AHCYL2: variants seen among roughly 807,000 people sequenced by gnomAD.
AHCYL2 encodes the protein S-adenosylhomocysteine hydrolase-like protein 2.
AHCYL2 carries 28 observed loss-of-function variants against 81.4 expected under a neutral mutation model. The ratio of observed to expected loss-of-function variants is 0.34; its 90% CI spans 0.25 to 0.47. AHCYL2 has a LOEUF of 0.47. AHCYL2 is among the 20% of genes least tolerant of loss of function. The probability of loss-of-function intolerance (pLI) is 1.00; values close to 1 mark genes in which losing one functional copy is unlikely to be tolerated. For synonymous variants in AHCYL2, 272 were observed against 290.2 expected, an observed-to-expected ratio of 0.94 and a Z score of 0.64; for missense variants, 551 against 785.1, an observed-to-expected ratio of 0.70 and a Z score of 3.56.
intron 1 of AHCYL2, among the ~76,000 whole-genome samples, chr7:129,238,688 A>G (rs902562608): frequency 6.6e-6 from 1 of 152,182 alleles, no homozygotes; most frequent in African/African-American, 2.4e-5. Flanking sequence ...GCGGTGGCTC[A>G]CGCTTGCAAT....
chr7:129,328,309 C>G (rs1321972355), intron 1 of AHCYL2, among the ~76,000 whole-genome samples: 1 of 152,102 alleles, frequency 6.6e-6, no homozygotes, highest in African/African-American at 2.4e-5. Context: ...TCCCAAGTAG[C>G]TGGGATTACA....
rs1005876463 is a variant in AHCYL2 at position 129,273,248 on chromosome 7, C to G, written c.363+47809C>G. ...ATGGCTTCAGAGGAAAGATAAAATTCAAGATGCTACCAATAAAATATGGCC... is the reference window on the plus strand; with the variant it reads ...ATGGCTTCAGAGGAAAGATAAAATTGAAGATGCTACCAATAAAATATGGCC... On this transcript the variant is annotated intron_variant, in intron 1 of 16. Coordinates refer to ENST00000325006, the MANE Select transcript of AHCYL2 (RefSeq NM_015328.4). Among the ~76,000 whole-genome samples the G allele has an allele frequency of 2.7e-5, 4 of 147,572 alleles. No homozygotes were observed. The Admixed American group carries it at 2.7e-4, about 10-fold the overall frequency.
chr7:129,267,387 C>T (rs1190310142), intron 1 of AHCYL2, among the ~76,000 whole-genome samples: 1 of 152,088 alleles, frequency 6.6e-6, no homozygotes, highest in East Asian at 1.9e-4. Flanking sequence ...TCACTGCAAA[C>T]TCCACCTCCC....
intron 1 of AHCYL2, among the ~76,000 whole-genome samples, chr7:129,275,159 G>C (rs1796157792): frequency 6.6e-6 from 1 of 152,096 alleles, no homozygotes; most frequent in Admixed American, 6.5e-5. Context: ...GAGGCGGGTG[G>C]GTCACCTGAG....
At chr7:129,313,356 G>T (rs910491512) in intron 1 of AHCYL2, among the ~76,000 whole-genome samples, 2 of 152,200 alleles carry the variant, frequency 1.3e-5, no homozygotes, top group Non-Finnish European at 2.9e-5. Context: ...AATGTTAGAA[G>T]CATGGGAGAT....
chr7:129,281,870 G>C (rs1053726470), intron 1 of AHCYL2, among the ~76,000 whole-genome samples: 1 of 152,146 alleles, frequency 6.6e-6, no homozygotes, highest in African/African-American at 2.4e-5. Flanking sequence ...GGAATGTTTA[G>C]TGTTATACAT....
intron 1 of AHCYL2, among the ~76,000 whole-genome samples, chr7:129,265,399 T>C (rs1795782235): frequency 6.6e-6 from 1 of 152,172 alleles, no homozygotes; most frequent in Admixed American, 6.5e-5. Context: ...AGGAATTTGA[T>C]AGGTGGCAGT....
rs183280171 is a variant in AHCYL2 at position 129,398,336 on chromosome 7, T to A, written c.823+1012T>A. On this transcript the variant is annotated intron_variant, in intron 5 of 16. Coordinates refer to ENST00000325006, the MANE Select transcript of AHCYL2 (RefSeq NM_015328.4). ...CATTTCTTTTTTCTGTTTTTTTTTT[T>A]AAATTTAATTTAATTTTTATTTTTT... 7.5e-3 allele frequency among the ~76,000 whole-genome samples: 1,130 copies of A among 149,848 alleles called. 12 individuals carry two copies. Among genetic ancestry groups the A allele is most frequent in the African/African-American group, 0.024 (973 of 40,834 alleles).
intron 1 of AHCYL2, 58 bp downstream of exon 1, chr7:129,225,497 C>G: frequency 7.0e-7 from 1 of 1,430,726 alleles, no homozygotes. Flanking sequence ...AACTGCAGAT[C>G]CTCTCGGCAC....
intron 3 of AHCYL2, 102 bp from the exon 4 acceptor site, chr7:129,389,532 T>G: frequency 1.0e-6 from 1 of 959,436 alleles, no homozygotes; most frequent in African/African-American, 1.6e-5. Context: ...TCTAACCTGA[T>G]CAGGGGAAGG....
intron 1 of AHCYL2, among the ~76,000 whole-genome samples, chr7:129,287,278 C>T (rs936037507): frequency 2.6e-5 from 4 of 152,162 alleles, no homozygotes; most frequent in Admixed American, 2.6e-4. Flanking sequence ...AGGGATACCT[C>T]AAGTAGTTTC....
At chr7:129,363,047 T>C (rs1031007993) in intron 1 of AHCYL2, among the ~76,000 whole-genome samples, 1 of 152,148 alleles carries the variant, frequency 6.6e-6, no homozygotes, top group African/African-American at 2.4e-5. Flanking sequence ...TCAATACTTG[T>C]GGGAATACAA....
intron 1 of AHCYL2, among the ~76,000 whole-genome samples, chr7:129,231,128 A>T (rs908337922): frequency 6.6e-6 from 1 of 152,052 alleles, no homozygotes; most frequent in African/African-American, 2.4e-5. Flanking sequence ...GCTACTCAGG[A>T]GGCTGAGGCA....
intron 1 of AHCYL2, among the ~76,000 whole-genome samples, chr7:129,295,871 G>A (rs888120919): frequency 3.3e-5 from 5 of 152,106 alleles, no homozygotes; most frequent in African/African-American, 9.7e-5. Context: ...GGAGTTGTTC[G>A]TATATATGCA....
chr7:129,226,997 A>G (rs1467072355), intron 1 of AHCYL2, among the ~76,000 whole-genome samples: 1 of 152,214 alleles, frequency 6.6e-6, no homozygotes, highest in Non-Finnish European at 1.5e-5. Flanking sequence ...CTTTAGGCTA[A>G]AAGTGTTTAA....
At chr7:129,299,550 C>T (rs573016756) in intron 1 of AHCYL2, among the ~76,000 whole-genome samples, 12 of 151,834 alleles carry the variant, frequency 7.9e-5, no homozygotes, top group African/African-American at 2.2e-4. Flanking sequence ...CCCGCCACCA[C>T]GCCGTGCTAA....
At chr7:129,299,397 T>TTTTTTTTTTTTTTTTTTTTTTTTTTTTTG (rs1797177963) in intron 1 of AHCYL2, among the ~76,000 whole-genome samples, 1 of 65,532 alleles carries the variant, frequency 1.5e-5, no homozygotes, top group African/African-American at 7.7e-5. Flanking sequence ...TTTTTTTTTT[T>TTTTTTTTTTTTTTTTTTTTTTTTTTTTTG]TTTTTTTTTT....
intron 1 of AHCYL2, among the ~76,000 whole-genome samples, chr7:129,242,590 G>A (rs563478987): frequency 5.3e-5 from 8 of 152,036 alleles, no homozygotes; most frequent in African/African-American, 7.2e-5. Flanking sequence ...GGTGGTGTGC[G>A]CCTGTAATCC....
chr7:129,342,215 C>A (rs535276556), intron 1 of AHCYL2, among the ~76,000 whole-genome samples: 1 of 152,274 alleles, frequency 6.6e-6, no homozygotes, highest in Non-Finnish European at 1.5e-5. Flanking sequence ...TCATCATTCA[C>A]CCTATCAGCT....
Sources: allele counts gnomAD v4.1 joint callset (sites outside exome capture counted in the v4.1 genomes callset), GRCh38; gene constraint gnomAD v4.1.1; transcripts MANE v1.5; gene names NCBI Gene and HGNC (gene_info 2026-07-23, HGNC 2026-07-21).